Variants in ADAMTS17 observed in about 807,000 individuals in gnomAD.
ADAMTS17 encodes the protein ADAM metallopeptidase with thrombospondin type 1 motif 17.
Under a neutral mutation model 141.5 loss-of-function variants are expected in ADAMTS17, and 113 were observed. The observed-to-expected ratio is 0.80, with a 90% CI of 0.69 to 0.93. ADAMTS17 has a LOEUF of 0.93. Among genes scored for constraint, ADAMTS17 ranks in the 40% least tolerant of loss-of-function variants. ADAMTS17 has a pLI of 0.00. For missense variants in ADAMTS17, 1,659 were observed against 1,517.9 expected (o/e 1.09, Z -1.54); for synonymous variants, 768 against 630.6 (o/e 1.22, Z -3.27).
intron 15 of ADAMTS17, among the ~76,000 whole-genome samples, chr15:100,058,123 T>A (rs971502991): frequency 4.0e-5 from 6 of 150,688 alleles, no homozygotes; most frequent in Non-Finnish European, 8.9e-5. Context: ...CTCCAGGGCC[T>A]CTGCCCATAT....
chr15:100,291,848 G>A (rs2044633605), intron 3 of ADAMTS17, among the ~76,000 whole-genome samples: 1 of 152,194 alleles, frequency 6.6e-6, no homozygotes, highest in Non-Finnish European at 1.5e-5. Context: ...TATTTACCTA[G>A]GTGATGAAAT....
At chr15:100,340,906 A>C in intron 2 of ADAMTS17, 133 bp downstream of exon 2, 1 of 1,363,030 alleles carries the variant, frequency 7.3e-7, no homozygotes, top group Non-Finnish European at 1.0e-6. Context: ...GAGAGGTGGA[A>C]AGGCAGGGGG....
chr15:100,011,300 G>GGGA (rs376161678), intron 18 of ADAMTS17, among the ~76,000 whole-genome samples: 2 of 2,784 alleles, frequency 7.2e-4, no homozygotes, highest in Non-Finnish European at 1.3e-3. Context: ...GGAGGAGGGA[G>GGGA]GGGAGGGAAG....
intron 16 of ADAMTS17, among the ~76,000 whole-genome samples, chr15:100,053,156 G>A (rs1005808737): frequency 2.0e-5 from 3 of 152,168 alleles, no homozygotes; most frequent in South Asian, 2.1e-4. Context: ...AAGGAGACCC[G>A]GAATCGATAA....
chr15:100,131,897 T>A, intron 12 of ADAMTS17, 110 bp downstream of exon 12: 2 of 1,539,150 alleles, frequency 1.3e-6, no homozygotes, highest in Non-Finnish European at 8.9e-7. Context: ...ATTTTCCATA[T>A]CTTCTAATGC....
At chr15:100,085,812 C>T (rs1266281521) in intron 15 of ADAMTS17, among the ~76,000 whole-genome samples, 2 of 151,690 alleles carry the variant, frequency 1.3e-5, no homozygotes, top group African/African-American at 4.9e-5. Flanking sequence ...ATTTTGTCAC[C>T]ACCAGGCCTG....
chr15:100,138,965 T>C (rs370719394), intron 10 of ADAMTS17, among the ~76,000 whole-genome samples: 1 of 152,124 alleles, frequency 6.6e-6, no homozygotes, highest in South Asian at 2.1e-4. Context: ...TTCCCGGTAA[T>C]AGGGGAAGAG....
In ADAMTS17 at chr15:100,341,238, T is replaced by TGCA. The variant is rs1176496418; in HGVS notation, c.248_250dup (p.Leu83dup). The TGCA allele has an allele frequency of 8.5e-6, 12 of 1,403,588 alleles. No homozygotes were observed. The highest frequency in any genetic ancestry group is 2.8e-6 in the Non-Finnish European group (3 of 1,076,982). 86.9% of individuals were successfully genotyped at this position (1,403,588 alleles called of 1,614,324 possible). ...CAGGTCGCGCCCGAAGGCCGGCAGG[T>TGCA]GCAGCAGCAGGGCGCGCTCTCCGGG... On this transcript the variant is annotated inframe_insertion, in exon 2 of 22. Transcript: ENST00000268070.
rs2060250122 is a variant in ADAMTS17 at position 99,973,317 on chromosome 15, C to T, written c.*1085G>A. On this transcript the variant is annotated 3_prime_UTR_variant, in exon 22 of 22. Transcript: ENST00000268070. ...AGCCAGATGGCGTTCCTCCCCTGGT[C>T]CTGGCACATCAGGCTGCTCCGTGCC... is the stretch of plus-strand genomic sequence containing the variant. 6.6e-6 allele frequency: 1 copy of T among 152,284 alleles called. No homozygotes were observed. The highest frequency in any genetic ancestry group is 1.5e-5 in the Non-Finnish European group (1 of 68,120). The allele number at this position is 152,284 out of a possible 1,614,324, so 9.4% of individuals were successfully genotyped here.
chr15:99,971,902 G>C lies in ADAMTS17; in HGVS notation c.*2500C>G, dbSNP rs1371922719. 1 of 152,212 alleles carries C rather than the reference G, an allele frequency of 6.6e-6. No individual in the cohort carries two copies. The highest frequency in any genetic ancestry group is 1.5e-5 in the Non-Finnish European group (1 of 68,076). 9.4% of individuals were successfully genotyped at this position (152,212 alleles called of 1,614,324 possible). ...TAGTGGAACAAGAATGTTTATGATG[G>C]TTTCACTGAAATCACTGCTCGTGCC... On this transcript the variant is annotated 3_prime_UTR_variant, in exon 22 of 22. Transcript: ENST00000268070.
rs550821380 is a variant in ADAMTS17 at position 100,178,943 on chromosome 15, A to G, written c.1181+20375T>C. ...ATTGCTGTTCCTTTAGAGGCAATAC[A>G]TTGTTCCCAATTTTTTTTTCCTAAT... On this transcript the variant is annotated intron_variant, in intron 8 of 21. Coordinates refer to ENST00000268070, the MANE Select transcript of ADAMTS17 (RefSeq NM_139057.4). Among the ~76,000 whole-genome samples the G allele has an allele frequency of 1.1e-3, 162 of 152,254 alleles. 1 individual carries two copies. The highest frequency in any genetic ancestry group is 3.4e-3 in the African/African-American group (142 of 41,562).
At chr15:100,143,509 C>T (rs1349496481) in intron 10 of ADAMTS17, among the ~76,000 whole-genome samples, 1 of 152,182 alleles carries the variant, frequency 6.6e-6, no homozygotes, top group Non-Finnish European at 1.5e-5. Flanking sequence ...TCTTGAAATG[C>T]TTTATTGAAT....
chr15:100,143,126 T>C (rs892584318), intron 10 of ADAMTS17, among the ~76,000 whole-genome samples: 9 of 152,110 alleles, frequency 5.9e-5, no homozygotes, highest in African/African-American at 2.2e-4. Context: ...ACCAGGGTGG[T>C]GGTGATGGGG....
chr15:100,111,789 T>C (rs1489247083), intron 13 of ADAMTS17, among the ~76,000 whole-genome samples: 1 of 152,188 alleles, frequency 6.6e-6, no homozygotes, highest in Non-Finnish European at 1.5e-5. Context: ...TGCTAAGTAG[T>C]TATCTATTCG....
chr15:100,096,803 GGA>G (rs1349933276), intron 14 of ADAMTS17, among the ~76,000 whole-genome samples: 1 of 152,224 alleles, frequency 6.6e-6, no homozygotes, highest in African/African-American at 2.4e-5. Context: ...GAGACCCTGG[GGA>G]GAGAGTGAAG....
chr15:100,311,686 G>C (rs1440230635), intron 3 of ADAMTS17, among the ~76,000 whole-genome samples: 1 of 152,100 alleles, frequency 6.6e-6, no homozygotes, highest in African/African-American at 2.4e-5. Context: ...CACAAAAAAT[G>C]GCATCATACC....
intron 8 of ADAMTS17, among the ~76,000 whole-genome samples, chr15:100,194,956 G>A (rs1175891815): frequency 2.6e-5 from 4 of 152,160 alleles, no homozygotes; most frequent in Non-Finnish European, 5.9e-5. Context: ...AGGAGACCCC[G>A]GCTAAAAACA....
intron 17 of ADAMTS17, among the ~76,000 whole-genome samples, chr15:100,050,126 G>A (rs2032025517): frequency 1.3e-5 from 2 of 152,166 alleles, no homozygotes; most frequent in African/African-American, 2.4e-5. Context: ...TGCCCCACAT[G>A]GCAGCCTCGC....
At chr15:100,295,540 A>C (rs2044778681) in intron 3 of ADAMTS17, among the ~76,000 whole-genome samples, 1 of 152,152 alleles carries the variant, frequency 6.6e-6, no homozygotes, top group Admixed American at 6.5e-5. Context: ...CTAGGCACCA[A>C]CTTGGGTATA....
Sources: allele counts gnomAD v4.1 joint callset (sites outside exome capture counted in the v4.1 genomes callset), GRCh38; gene constraint gnomAD v4.1.1; transcripts MANE v1.5; gene names NCBI Gene and HGNC (gene_info 2026-07-23, HGNC 2026-07-21).